GNA15: variants seen among roughly 807,000 people sequenced by gnomAD.
The protein encoded by GNA15 is G protein subunit alpha 15.
A neutral mutation model predicts 40.1 loss-of-function variants in GNA15; 23 were observed. The ratio of observed to expected loss-of-function variants is 0.57; its 90% CI spans 0.41 to 0.81. The LOEUF is 0.81. Among genes scored for constraint, GNA15 ranks in the 40% least tolerant of loss-of-function variants. The probability of loss-of-function intolerance (pLI) is 0.00; values close to 1 mark genes in which losing one functional copy is unlikely to be tolerated. For missense variants in GNA15, 522 were observed against 515.8 expected, an observed-to-expected ratio of 1.01 and a Z score of -0.12; for synonymous variants, 226 against 210.4, an observed-to-expected ratio of 1.07 and a Z score of -0.64.
intron 1 of GNA15, among the ~76,000 whole-genome samples, chr19:3,148,084 G>T (rs903949450): frequency 1.3e-5 from 2 of 148,428 alleles, no homozygotes; most frequent in Non-Finnish European, 3.0e-5. Context: ...TGTTTTTTTT[G>T]TTTGTTTGTT....
chr19:3,147,726 A>G (rs1914763682), intron 1 of GNA15, among the ~76,000 whole-genome samples: 1 of 151,632 alleles, frequency 6.6e-6, no homozygotes, highest in Non-Finnish European at 1.5e-5. Flanking sequence ...CTCTACTAAA[A>G]ATACAAAAAA....
At chr19:3,149,937 C>T (rs184555644) in intron 2 of GNA15, 194 bp from the exon 3 acceptor site, 3 of 546,632 alleles carry the variant, frequency 5.5e-6, no homozygotes, top group East Asian at 6.7e-5. Context: ...TGTGCTTTTC[C>T]CTCTGGGGAT....
chr19:3,162,760 G>A (rs1000121611), intron 6 of GNA15, 33 bp from the exon 7 acceptor site: 2 of 1,487,846 alleles, frequency 1.3e-6, no homozygotes, highest in East Asian at 4.5e-5. Context: ...AAAGAGGGAG[G>A]GTCCTCACCC....
intron 1 of GNA15, among the ~76,000 whole-genome samples, chr19:3,145,164 T>C (rs1015506668): frequency 7.1e-6 from 1 of 141,324 alleles, no homozygotes. Flanking sequence ...TAGTTTTTAA[T>C]TTTTTTTGGA....
At position 3,149,235 on chromosome 19, in the gene GNA15, ACACT is replaced by A. The variant is rs754180158; in HGVS notation, c.330+464_330+467del. On this transcript the variant is annotated intron_variant, in intron 2 of 6. Transcript: ENST00000262958. ...CTCAAACACGCCCATGCACGTGTACACACTCACAAACACACACAAGAATGCATGC... is the reference window on the plus strand; with the variant it reads ...CTCAAACACGCCCATGCACGTGTACACACAAACACACACAAGAATGCATGC... 61 of 168,714 alleles carry A rather than the reference ACACT, an allele frequency of 3.6e-4. 1 individual carries two copies. The highest frequency in any genetic ancestry group is 7.7e-4 in the Admixed American group (13 of 16,816). 10.5% of individuals were successfully genotyped at this position (168,714 alleles called of 1,614,324 possible).
chr19:3,152,103 C>T (rs11882719), intron 4 of GNA15, among the ~76,000 whole-genome samples: 38,669 of 151,998 alleles, frequency 0.25, 5,620 homozygotes, highest in Non-Finnish European at 0.34. Flanking sequence ...TTTTGAAAGA[C>T]GAATAGGAGT....
At chr19:3,138,586 C>G (rs1914505526) in intron 1 of GNA15, among the ~76,000 whole-genome samples, 1 of 152,182 alleles carries the variant, frequency 6.6e-6, no homozygotes, top group Non-Finnish European at 1.5e-5. Flanking sequence ...CCCCCAGGAA[C>G]TGCACCTTCA....
chr19:3,145,327 G>A (rs1212078525), intron 1 of GNA15, among the ~76,000 whole-genome samples: 2 of 92,690 alleles, frequency 2.2e-5, no homozygotes, highest in Admixed American at 1.2e-4. Flanking sequence ...GCACCACTAC[G>A]TCTGACTAAA....
At chr19:3,148,160 C>G (rs2144850419) in intron 1 of GNA15, among the ~76,000 whole-genome samples, 1 of 152,112 alleles carries the variant, frequency 6.6e-6, no homozygotes, top group South Asian at 2.1e-4. Flanking sequence ...GTGATCTCAG[C>G]TCACTGCAAT....
rs1163825946 is a variant in GNA15 at position 3,162,781 on chromosome 19, C to A, written c.899-12C>A. On this transcript the variant is annotated splice_polypyrimidine_tract_variant and intron_variant, in intron 6 of 6. Transcript: ENST00000262958. Reference sequence around the variant, plus strand: ...GGAGGGTCCTCACCCCCTTCCCACACTGTTTCCCCAGGCCCTAAGCAGGAT... The same window carrying A: ...GGAGGGTCCTCACCCCCTTCCCACAATGTTTCCCCAGGCCCTAAGCAGGAT... 3 of 1,599,916 alleles carry A rather than the reference C, an allele frequency of 1.9e-6. No individual in the cohort carries two copies. The highest frequency in any genetic ancestry group is 1.7e-6 in the Non-Finnish European group (2 of 1,167,406).
Position 3,150,404 on chromosome 19 carries a change from G to A in GNA15, c.485+119G>A, listed in dbSNP as rs946128991. ...CGCAGATGGGCTGTGAGGTGGTCCT[G>A]CTCCAGGATGAGGTCCTTCCAGGGG... On this transcript the variant is annotated intron_variant, in intron 3 of 6. Transcript: ENST00000262958. 1.0e-5 allele frequency: 9 copies of A among 880,142 alleles called. No individual in the cohort carries two copies. The Admixed American group carries it at 2.4e-4, about 24-fold the overall frequency. The allele number at this position is 880,142 out of a possible 1,614,324, so 54.5% of individuals were successfully genotyped here.
chr19:3,139,367 G>C (rs1278151695), intron 1 of GNA15, among the ~76,000 whole-genome samples: 1 of 150,524 alleles, frequency 6.6e-6, no homozygotes, highest in Non-Finnish European at 1.5e-5. Flanking sequence ...TGGGAGGATT[G>C]CTTGAGCTTA....
At position 3,157,862 on chromosome 19, in the gene GNA15, C is replaced by T. The variant is rs1453865144; in HGVS notation, c.879C>T (p.Thr293=). Residue 293 remains threonine, a synonymous_variant, in exon 6 of 7, where the codon ACC becomes ACT. Transcript: ENST00000262958. ...EEKIPTSHLA[T]YFPSFQGPKQ... ...AAATCCCCACCTCCCACCTGGCTAC[C>T]TATTTCCCCAGTTTCCAGGGTAAGT... 1 of 1,613,450 alleles carries T rather than the reference C, an allele frequency of 6.2e-7. No individual in the cohort carries two copies. The highest frequency in any genetic ancestry group is 8.5e-7 in the Non-Finnish European group (1 of 1,179,342).
intron 1 of GNA15, among the ~76,000 whole-genome samples, chr19:3,138,138 T>C (rs1216988945): frequency 6.6e-6 from 1 of 150,412 alleles, no homozygotes; most frequent in East Asian, 2.0e-4. Flanking sequence ...TGGTGGCATG[T>C]GCCTGTAATC....
At chr19:3,140,198 G>C (rs1457930865) in intron 1 of GNA15, among the ~76,000 whole-genome samples, 1 of 151,944 alleles carries the variant, frequency 6.6e-6, no homozygotes, top group Non-Finnish European at 1.5e-5. Flanking sequence ...TCTTGTGTGG[G>C]TTTTGATCAT....
rs779034100 is a variant in GNA15, at chr19:3,148,660, A to T, written c.215A>T (p.Glu72Val). ...MRIIHGAGYSEEERKGFRPLV... is the reference protein window; with the variant it reads ...MRIIHGAGYSVEERKGFRPLV... The stretch of plus-strand genomic sequence containing the variant: ...ATCATCCACGGCGCCGGCTACTCGG[A>T]GGAGGAGCGCAAGGGCTTCCGGCCC... The change falls in exon 2 of 7, where the codon GAG becomes GTG. Residue 72 changes from glutamate to valine, a missense_variant. Glu to Val is a moderately radical substitution (Grantham distance 121). Coordinates refer to ENST00000262958, the MANE Select transcript of GNA15 (RefSeq NM_002068.4). 111 of 1,591,682 alleles carry T rather than the reference A, an allele frequency of 7.0e-5. No homozygotes were observed. The highest frequency in any genetic ancestry group is 9.1e-5 in the Non-Finnish European group (106 of 1,169,320).
chr19:3,151,433 C>T lies in GNA15; in HGVS notation c.486-274C>T, dbSNP rs1368924817. Reference sequence around the variant, plus strand: ...TGGGGTAGCGCCACCCCTGCCATAGCAGCTCTCCCGGGGGACACCACTCCT... The same window carrying T: ...TGGGGTAGCGCCACCCCTGCCATAGTAGCTCTCCCGGGGGACACCACTCCT... On this transcript the variant is annotated intron_variant, in intron 3 of 6. Coordinates refer to ENST00000262958, the MANE Select transcript of GNA15 (RefSeq NM_002068.4). The surrounding 1 kb of genome is among the most constrained non-coding windows in gnomAD (Gnocchi z 5.0). Among the ~76,000 whole-genome samples, 1 of 152,140 alleles carries T rather than the reference C, an allele frequency of 6.6e-6. No homozygotes were observed. The highest frequency in any genetic ancestry group is 1.5e-5 in the Non-Finnish European group (1 of 67,994).
chr19:3,143,695 A>G (rs1637653), intron 1 of GNA15, among the ~76,000 whole-genome samples: 65,324 of 151,824 alleles, frequency 0.43, 14,674 homozygotes, highest in African/African-American at 0.5. Flanking sequence ...CATAGGCTCT[A>G]GACTCAAACA....
chr19:3,150,106 A>T (rs764349177), intron 2 of GNA15, 25 bp from the exon 3 acceptor site: 1 of 1,605,682 alleles, frequency 6.2e-7, no homozygotes, highest in South Asian at 1.1e-5. Context: ...AGGCTACCCT[A>T]ACTGCCCCCG....
Sources: gnomAD v4.1 joint callset for allele counts (sites outside exome capture counted in the v4.1 genomes callset) on GRCh38, gnomAD v4.1.1 for gene constraint, Gnocchi (gnomAD v3.1) non-coding constraint, MANE v1.5 for transcripts, NCBI Gene and HGNC (gene_info 2026-07-23, HGNC 2026-07-21) for gene names.